The following CLUAP1 variants were observed in gnomAD, a reference collection of about 807,000 sequenced individuals.
CLUAP1 encodes intraflagellar transport 38.
CLUAP1 carries 50 observed loss-of-function variants against 55.0 expected under a neutral mutation model. The observed-to-expected ratio is 0.91, with a 90% CI of 0.72 to 1.15. The LOEUF is 1.15. CLUAP1 is among the 50% of genes most tolerant of loss of function. CLUAP1 has a pLI of 0.00. For missense variants in CLUAP1, 530 were observed against 507.6 expected, an observed-to-expected ratio of 1.04 and a Z score of -0.42; for synonymous variants, 195 against 175.4, an observed-to-expected ratio of 1.11 and a Z score of -0.88.
At chr16:3,502,702 A>G (rs1433890527) in intron 1 of CLUAP1, among the ~76,000 whole-genome samples, 1 of 152,200 alleles carries the variant, frequency 6.6e-6, no homozygotes, top group Non-Finnish European at 1.5e-5. Flanking sequence ...GTGGCCACAC[A>G]TCATGCAGGA....
chr16:3,502,853 T>TATAC (rs2037433301), intron 1 of CLUAP1, among the ~76,000 whole-genome samples: 2 of 152,376 alleles, frequency 1.3e-5, no homozygotes, highest in South Asian at 4.1e-4. Flanking sequence ...GTGCAGTGTA[T>TATAC]GGTAAGGATC....
In CLUAP1 at chr16:3,536,375, C is replaced by T; in HGVS notation, c.*104C>T. On this transcript the variant is annotated 3_prime_UTR_variant, in exon 12 of 12. Coordinates refer to ENST00000576634, the MANE Select transcript of CLUAP1 (RefSeq NM_015041.3). ...ACCCCTGTTTTGTTTACTAAGCTGG[C>T]TGGACTCATGATCACTGAAGCAATA... 1 of 1,249,108 alleles carries T rather than the reference C, an allele frequency of 8.0e-7. No individual in the cohort carries two copies. Among genetic ancestry groups the T allele is most frequent in the South Asian group, 1.5e-5 (1 of 68,166 alleles). The allele number at this position is 1,249,108 out of a possible 1,614,324, so 77.4% of individuals were successfully genotyped here. A position where few individuals can be genotyped will look rare whatever the true frequency, so the allele number is the denominator to read the frequency against.
intron 5 of CLUAP1, chr16:3,515,267 G>C (rs1456793907): frequency 5.7e-6 from 2 of 348,490 alleles, no homozygotes; most frequent in South Asian, 7.0e-5. Context: ...TTTGCTCATA[G>C]AGTTGGGGTC....
chr16:3,529,714 AATATTATATATTATATATATTATTAT>A (rs2038058029), intron 9 of CLUAP1, among the ~76,000 whole-genome samples: 1 of 35,826 alleles, frequency 2.8e-5, no homozygotes, highest in East Asian at 1.4e-3. Flanking sequence ...TATATTATAT[AATATTATATATTATATATATTATTAT>A]ATATTATATA....
intron 1 of CLUAP1, among the ~76,000 whole-genome samples, chr16:3,502,605 A>T (rs2037427921): frequency 6.6e-6 from 1 of 152,120 alleles, no homozygotes; most frequent in African/African-American, 2.4e-5. Flanking sequence ...CAATGTAAAA[A>T]TATCTAGGAA....
chr16:3,512,142 C>T (rs999518117), intron 4 of CLUAP1, among the ~76,000 whole-genome samples: 2 of 148,854 alleles, frequency 1.3e-5, no homozygotes, highest in Non-Finnish European at 3.0e-5. Flanking sequence ...GCCGAGATCG[C>T]GCTATCACAC....
chr16:3,501,816 C>T (rs1412543038), intron 1 of CLUAP1, among the ~76,000 whole-genome samples: 3 of 151,978 alleles, frequency 2.0e-5, no homozygotes, highest in Non-Finnish European at 4.4e-5. Context: ...GCAACGAAAC[C>T]GAGGAGAGGA....
At chr16:3,496,733 G>A, upstream of CLUAP1, 1 of 525,946 alleles carries the variant, frequency 1.9e-6, no homozygotes, top group Non-Finnish European at 3.8e-6. Context: ...GTTCGAGCGC[G>A]CCAGAGGCCT....
intron 8 of CLUAP1, among the ~76,000 whole-genome samples, chr16:3,524,596 CAA>C (rs755040158): frequency 5.5e-4 from 19 of 34,278 alleles, no homozygotes; most frequent in African/African-American, 1.2e-3. Flanking sequence ...GACACCATCT[CAA>C]AAAAAAAAAA....
chr16:3,520,446 CT>C (rs2037812578), intron 7 of CLUAP1, among the ~76,000 whole-genome samples: 1 of 152,086 alleles, frequency 6.6e-6, no homozygotes, highest in Non-Finnish European at 1.5e-5. Context: ...GATCTTAACT[CT>C]TCTCAAGCAA....
rs1241982505 is a variant in CLUAP1, at chr16:3,501,100, C to T, written c.22+11C>T. ...TCCGCGACCTCCGCAGTAAGGCAGC[C>T]CCGCGCCCCTGTGACCTGCGGGTCT... On this transcript the variant is annotated intron_variant, in intron 1 of 11. Coordinates refer to ENST00000576634, the MANE Select transcript of CLUAP1 (RefSeq NM_015041.3). The T allele has an allele frequency of 2.5e-6, 4 of 1,590,062 alleles. No homozygotes were observed. The highest frequency in any genetic ancestry group is 3.4e-6 in the Non-Finnish European group (4 of 1,173,532).
intron 11 of CLUAP1, chr16:3,533,531 CTGCCTTG>C (rs2038171358): frequency 4.2e-6 from 1 of 240,054 alleles, no homozygotes; most frequent in Admixed American, 4.8e-5. Context: ...GAGACATAAG[CTGCCTTG>C]AGCTTTACTG....
chr16:3,513,243 G>A (rs751307932), intron 5 of CLUAP1, among the ~76,000 whole-genome samples: 1 of 152,134 alleles, frequency 6.6e-6, no homozygotes, highest in Non-Finnish European at 1.5e-5. Flanking sequence ...CTGGGCATTG[G>A]GAGTTTTCAG....
chr16:3,520,332 A>G (rs770036045), intron 7 of CLUAP1, among the ~76,000 whole-genome samples: 4 of 152,074 alleles, frequency 2.6e-5, no homozygotes, highest in Non-Finnish European at 5.9e-5. Flanking sequence ...TGGTTGCATC[A>G]CTGCACTCCA....
intron 1 of CLUAP1, among the ~76,000 whole-genome samples, chr16:3,501,411 G>T (rs2037398829): frequency 6.6e-6 from 1 of 152,268 alleles, no homozygotes; most frequent in Admixed American, 6.5e-5. Flanking sequence ...GCTGCATGCC[G>T]CTCTTCGCTA....
intron 6 of CLUAP1, 86 bp downstream of exon 6, chr16:3,515,677 T>C (rs781292554): frequency 2.8e-5 from 24 of 871,360 alleles, no homozygotes; most frequent in Non-Finnish European, 3.8e-5. Context: ...CAGAACAAGC[T>C]AGGCTTAGTA....
intron 4 of CLUAP1, among the ~76,000 whole-genome samples, chr16:3,510,287 C>A (rs552822526): frequency 6.6e-6 from 1 of 151,886 alleles, no homozygotes; most frequent in South Asian, 2.1e-4. Flanking sequence ...AGCCACCGCA[C>A]CCGGCTTTGT....
At chr16:3,524,897 C>G (rs2037912165) in intron 8 of CLUAP1, among the ~76,000 whole-genome samples, 1 of 152,174 alleles carries the variant, frequency 6.6e-6, no homozygotes, top group South Asian at 2.1e-4. Context: ...TATCCTTAAC[C>G]TGAGAATGGT....
At chr16:3,525,887 T>C (rs959377833) in intron 8 of CLUAP1, among the ~76,000 whole-genome samples, 2 of 152,138 alleles carry the variant, frequency 1.3e-5, no homozygotes, top group Non-Finnish European at 2.9e-5. Context: ...TTCTTGATAA[T>C]AATCAAGGCC....
Sources: allele counts gnomAD v4.1 joint callset (sites outside exome capture counted in the v4.1 genomes callset), GRCh38; gene constraint gnomAD v4.1.1; transcripts MANE v1.5; gene names NCBI Gene and HGNC (gene_info 2026-07-23, HGNC 2026-07-21).